The following ME3 variants were observed in gnomAD, a reference collection of about 807,000 sequenced individuals.
The protein encoded by ME3 is malic enzyme 3.
Under a neutral mutation model 68.9 loss-of-function variants are expected in ME3, and 48 were observed. The ratio of observed to expected loss-of-function variants is 0.70; its 90% CI spans 0.55 to 0.89. ME3 has a LOEUF of 0.89. Among genes scored for constraint, ME3 ranks in the 40% least tolerant of loss-of-function variants. ME3 has a pLI of 0.00. For synonymous variants in ME3, 320 were observed against 318.8 expected (o/e 1.00, Z -0.04); for missense variants, 675 against 797.4 (o/e 0.85, Z 1.85).
chr11:86,488,374 T>C (rs1294911836), intron 6 of ME3, among the ~76,000 whole-genome samples: 3 of 152,046 alleles, frequency 2.0e-5, no homozygotes, highest in Non-Finnish European at 2.9e-5. Context: ...CATTCCTCTC[T>C]TTTCCTCCCC....
At chr11:86,455,122 G>C (rs1316035736) in intron 8 of ME3, among the ~76,000 whole-genome samples, 3 of 152,232 alleles carry the variant, frequency 2.0e-5, no homozygotes. Context: ...CAGAGACAGG[G>C]CTAAGGATAC....
At chr11:86,501,175 T>TATAATAATAATAATAATA (rs5793199) in intron 5 of ME3, among the ~76,000 whole-genome samples, 23,301 of 146,872 alleles carry the variant, frequency 0.16, 2,052 homozygotes, top group Middle Eastern at 0.21. Context: ...ATAAAATGCA[T>TATAATAATAATAATAATA]ATAATAATAA....
chr11:86,446,362 G>A (rs140114461), exon 13 of ME3: 40 of 1,614,030 alleles, frequency 2.5e-5, no homozygotes, highest in Admixed American at 1.7e-4. Context: ...GGATCCCGCC[G>A]GCGATGACTC....
At chr11:86,656,274 A>G (rs1945862593) in intron 2 of ME3, among the ~76,000 whole-genome samples, 2 of 152,104 alleles carry the variant, frequency 1.3e-5, no homozygotes, top group South Asian at 2.1e-4. Flanking sequence ...ATTATAAATC[A>G]TGCTGCTATA....
At chr11:86,545,318 G>T (rs1044708013) in intron 4 of ME3, among the ~76,000 whole-genome samples, 5 of 152,154 alleles carry the variant, frequency 3.3e-5, no homozygotes, top group Admixed American at 2.0e-4. Flanking sequence ...GTTCTGGCCA[G>T]GGCAATCAGG....
intron 2 of ME3, among the ~76,000 whole-genome samples, chr11:86,664,096 T>C (rs191316979): frequency 3.3e-5 from 5 of 152,334 alleles, no homozygotes; most frequent in Admixed American, 3.3e-4. Flanking sequence ...ACCTATATGT[T>C]ACAGATGGGC....
intron 4 of ME3, among the ~76,000 whole-genome samples, chr11:86,539,770 T>A (rs1176771235): frequency 6.6e-6 from 1 of 152,218 alleles, no homozygotes; most frequent in Non-Finnish European, 1.5e-5. Context: ...CTTTTAATCT[T>A]TTCATATGTC....
chr11:86,518,733 G>T (rs1954060338), intron 4 of ME3, among the ~76,000 whole-genome samples: 2 of 152,288 alleles, frequency 1.3e-5, no homozygotes, highest in African/African-American at 4.8e-5. Context: ...CTAATGTCGG[G>T]TGCCTGTGAC....
At chr11:86,603,978 G>A (rs939657404) in intron 2 of ME3, among the ~76,000 whole-genome samples, 3 of 149,806 alleles carry the variant, frequency 2.0e-5, no homozygotes, top group African/African-American at 2.5e-5. Context: ...ATAGCATTAG[G>A]AGATATGCCT....
intron 2 of ME3, among the ~76,000 whole-genome samples, chr11:86,575,009 A>C (rs1185212958): frequency 8.3e-6 from 1 of 120,644 alleles, no homozygotes; most frequent in Non-Finnish European, 1.8e-5. Context: ...GGCAGGGGCC[A>C]ACTTGTTCTC....
At chr11:86,644,430 C>G (rs1348497581) in intron 2 of ME3, among the ~76,000 whole-genome samples, 1 of 152,190 alleles carries the variant, frequency 6.6e-6, no homozygotes, top group African/African-American at 2.4e-5. Context: ...CCCACATACA[C>G]AGACTCCCAG....
At chr11:86,527,183 G>A (rs553263115) in intron 4 of ME3, among the ~76,000 whole-genome samples, 1 of 152,316 alleles carries the variant, frequency 6.6e-6, no homozygotes, top group African/African-American at 2.4e-5. Context: ...ACCTGATGGA[G>A]CTGAAAACCA....
intron 7 of ME3, among the ~76,000 whole-genome samples, chr11:86,484,718 G>A (rs1951594215): frequency 6.6e-6 from 1 of 152,174 alleles, no homozygotes; most frequent in Admixed American, 6.5e-5. Context: ...GCAAAAAGTG[G>A]GCTTTCAAAG....
In ME3 at chr11:86,611,815, A is replaced by C. The variant is rs143941459; in HGVS notation, c.184-51992T>G. Among the ~76,000 whole-genome samples, 83 of 152,324 alleles carry C rather than the reference A, an allele frequency of 5.4e-4. 2 individuals carry two copies. The East Asian group carries it at 0.015, about 28-fold the overall frequency. On this transcript the variant is annotated intron_variant, in intron 2 of 14. Transcript: ENST00000543262. ...TCTCATCTGTAAAATGGGGGTATTAATAGCTACCATCTGAAAAAGTTGCTG... is the reference window on the plus strand; with the variant it reads ...TCTCATCTGTAAAATGGGGGTATTACTAGCTACCATCTGAAAAAGTTGCTG...
At chr11:86,622,120 T>C (rs1211241399) in intron 2 of ME3, among the ~76,000 whole-genome samples, 3 of 151,972 alleles carry the variant, frequency 2.0e-5, no homozygotes, top group Non-Finnish European at 4.4e-5. Context: ...GCAGGACTTG[T>C]GGAAGAATAT....
In ME3 at chr11:86,568,139, C is replaced by T. The variant is rs114678612; in HGVS notation, c.184-8316G>A. Among the ~76,000 whole-genome samples the T allele has an allele frequency of 9.1e-3, 1,378 of 152,258 alleles. 15 individuals carry two copies. Among genetic ancestry groups the T allele is most frequent in the African/African-American group, 0.031 (1,308 of 41,534 alleles). On this transcript the variant is annotated intron_variant, in intron 2 of 14. Transcript: ENST00000543262. ...AAGACAGGCGGCTTTTGAAAAATGG[C>T]TGATTCTCACAGTCATATTTTAACC...
chr11:86,475,892 GAGAGAGAGAAAGAGAA>G (rs1951053593), intron 7 of ME3, among the ~76,000 whole-genome samples: 1 of 148,122 alleles, frequency 6.8e-6, no homozygotes, highest in African/African-American at 2.5e-5. Context: ...GAGAGAGAGA[GAGAGAGAGAAAGAGAA>G]AGAGAGAGAG....
chr11:86,613,047 T>C (rs191001763), intron 2 of ME3, among the ~76,000 whole-genome samples: 30 of 152,300 alleles, frequency 2.0e-4, no homozygotes, highest in African/African-American at 6.5e-4. Flanking sequence ...TTTTGGGTTT[T>C]ACATTTAAGT....
intron 6 of ME3, among the ~76,000 whole-genome samples, chr11:86,491,741 C>A (rs990614247): frequency 6.6e-6 from 1 of 152,168 alleles, no homozygotes; most frequent in Non-Finnish European, 1.5e-5. Context: ...AAGATTTCAG[C>A]AGACAGTATT....
Sources: allele counts gnomAD v4.1 joint callset (sites outside exome capture counted in the v4.1 genomes callset), GRCh38; gene constraint gnomAD v4.1.1; transcripts MANE v1.5; gene names NCBI Gene and HGNC (gene_info 2026-07-23, HGNC 2026-07-21).